GLE1: variants seen among roughly 807,000 people sequenced by gnomAD.
The protein encoded by GLE1 is GLE1 RNA export mediator.
GLE1 carries 78 observed loss-of-function variants against 97.3 expected under a neutral mutation model. The observed-to-expected ratio is 0.80, with a 90% confidence interval of 0.67 to 0.97. The LOEUF (loss-of-function observed/expected upper bound fraction) is 0.97. Among genes scored for constraint, GLE1 ranks in the 50% least tolerant of loss-of-function variants. GLE1 has a pLI of 0.00. For missense variants in GLE1, 753 were observed against 857.5 expected, an observed-to-expected ratio of 0.88 and a Z score of 1.52; for synonymous variants, 302 against 313.4, an observed-to-expected ratio of 0.96 and a Z score of 0.39.
rs1236140337 is a variant in GLE1 at position 128,522,813 on chromosome 9, A to G, written c.578A>G (p.Lys193Arg). ...EFQDLREVMEKSSREALGHQE... is the reference protein window; with the variant it reads ...EFQDLREVMERSSREALGHQE... Reference sequence around the variant, plus strand: ...CAGGACTTGCGGGAAGTAATGGAGAAGAGGTGAGTCTCCCTGAATTATGAC... The same window carrying G: ...CAGGACTTGCGGGAAGTAATGGAGAGGAGGTGAGTCTCCCTGAATTATGAC... Residue 193 changes from lysine to arginine, a missense_variant, in exon 4 of 16, where the codon AAG (lysine) becomes AGG (arginine). Physicochemically the swap from Lys to Arg is conservative, Grantham distance 26 (BLOSUM62 2). Transcript: ENST00000309971. The G allele has an allele frequency of 1.2e-6, 2 of 1,613,670 alleles. No individual in the cohort carries two copies. Among genetic ancestry groups the G allele is most frequent in the African/African-American group, 2.7e-5 (2 of 74,910 alleles).
chr9:128,518,570 A>C (rs940763126), intron 3 of GLE1, among the ~76,000 whole-genome samples: 15 of 151,692 alleles, frequency 9.9e-5, no homozygotes, highest in African/African-American at 2.9e-4. Context: ...TCTAAAAAAT[A>C]AAAAATAAAA....
chr9:128,510,186 T>C (rs1846766404), intron 2 of GLE1, among the ~76,000 whole-genome samples: 1 of 151,710 alleles, frequency 6.6e-6, no homozygotes, highest in Admixed American at 6.6e-5. Flanking sequence ...GCCTCCCGAA[T>C]AGCTGGGACT....
chr9:128,519,709 A>G (rs1201620746), intron 3 of GLE1, among the ~76,000 whole-genome samples: 1 of 152,096 alleles, frequency 6.6e-6, no homozygotes, highest in Admixed American at 6.6e-5. Flanking sequence ...GCCTTGTGAT[A>G]TTCTGTTACC....
chr9:128,525,241 G>A lies in GLE1; in HGVS notation c.947G>A (p.Arg316Gln), dbSNP rs147943229. The A allele has an allele frequency of 1.1e-3, 1,822 of 1,614,094 alleles. 1 individual carries two copies. The highest frequency in any genetic ancestry group is 1.4e-3 in the Non-Finnish European group (1,686 of 1,179,996). Residue 316 changes from arginine to glutamine, a missense_variant, in exon 7 of 16, where the codon CGG becomes CAG. Physicochemically the swap from Arg to Gln is conservative, Grantham distance 43. Coordinates refer to ENST00000309971, the MANE Select transcript of GLE1 (RefSeq NM_001003722.2). ...ESQAEAERALREMRDLLMNLG... is the reference protein window; with the variant it reads ...ESQAEAERALQEMRDLLMNLG... ...CAAGCTGAGGCTGAGCGAGCTCTGC[G>A]GGAAATGCGGGACCTCCTGATGAAC...
At position 128,527,506 on chromosome 9, in the gene GLE1, C is replaced by G. The variant is rs1205562840; in HGVS notation, c.1293C>G (p.Ser431Arg). The G allele has an allele frequency of 6.2e-7, 1 of 1,610,914 alleles. No individual in the cohort carries two copies. The highest frequency in any genetic ancestry group is 1.1e-5 in the South Asian group (1 of 90,998). ...AGAAGGCTGCTACCATCCCAGTGAGCCAAATCTCTACCATTGCAGGTTGGT... is the reference window on the plus strand; with the variant it reads ...AGAAGGCTGCTACCATCCCAGTGAGGCAAATCTCTACCATTGCAGGTTGGT... ...DLQKAATIPV[S>R]QISTIAGSKL... The change falls in exon 9 of 16, where the codon AGC becomes AGG. Residue 431 changes from serine to arginine, a missense_variant. Physicochemically the swap from Ser to Arg is moderately radical, Grantham distance 110. Transcript: ENST00000309971.
chr9:128,540,999 TA>T, intron 15 of GLE1, 102 bp from the exon 16 acceptor site: 1 of 794,170 alleles, frequency 1.3e-6, no homozygotes. Context: ...CACTGTTCCA[TA>T]GGGCTGAAAT....
chr9:128,531,057 A>G (rs975976918), intron 9 of GLE1, among the ~76,000 whole-genome samples: 48 of 151,710 alleles, frequency 3.2e-4, no homozygotes, highest in African/African-American at 1.1e-3. Flanking sequence ...TCTACTAAAA[A>G]TACAAAATTA....
intron 2 of GLE1, among the ~76,000 whole-genome samples, chr9:128,514,715 A>G (rs1846929172): frequency 6.6e-6 from 1 of 152,032 alleles, no homozygotes; most frequent in African/African-American, 2.4e-5. Flanking sequence ...TGTCTTGTGT[A>G]TGTTTAGTAG....
At chr9:128,526,051 T>C (rs1250818632) in intron 7 of GLE1, among the ~76,000 whole-genome samples, 1 of 152,074 alleles carries the variant, frequency 6.6e-6, no homozygotes. Context: ...GATGGAGATT[T>C]GCTCTTGTTG....
chr9:128,529,458 T>A (rs1277237771), intron 9 of GLE1, among the ~76,000 whole-genome samples: 2 of 152,232 alleles, frequency 1.3e-5, no homozygotes, highest in Admixed American at 6.5e-5. Flanking sequence ...TTTCCTGTTT[T>A]CTGTGATTAC....
intron 7 of GLE1, among the ~76,000 whole-genome samples, chr9:128,526,421 A>G (rs1282595001): frequency 1.3e-5 from 2 of 151,814 alleles, no homozygotes; most frequent in Middle Eastern, 3.4e-3. Flanking sequence ...CAATGGCACA[A>G]TCTCAGCTCA....
chr9:128,519,678 G>T (rs115314841), intron 3 of GLE1, among the ~76,000 whole-genome samples: 1 of 152,164 alleles, frequency 6.6e-6, no homozygotes, highest in Non-Finnish European at 1.5e-5. Flanking sequence ...GTGATCTCGC[G>T]ATCTCGCCCT....
chr9:128,505,681 A>G (rs1222762462), intron 1 of GLE1, among the ~76,000 whole-genome samples: 1 of 152,188 alleles, frequency 6.6e-6, no homozygotes, highest in Non-Finnish European at 1.5e-5. Context: ...ACAGATGTCA[A>G]CCCATCCCAA....
rs1268178654 is a variant in GLE1 at position 128,538,231 on chromosome 9, C to T, written c.1881+141C>T. The T allele has an allele frequency of 5.8e-6, 4 of 690,886 alleles. No individual in the cohort carries two copies. In the African/African-American group the frequency reaches 7.0e-5, roughly 12 times the overall value. The allele number at this position is 690,886 out of a possible 1,614,324, so 42.8% of individuals were successfully genotyped here. A position where few individuals can be genotyped will look rare whatever the true frequency, so the allele number is the denominator to read the frequency against. On this transcript the variant is annotated intron_variant, in intron 13 of 15. Transcript: ENST00000309971. Reference sequence around the variant, plus strand: ...AGGTTCCAGTGTCATACATTTTTCCCAAGCTGTAGACCAACCTTGCTTTCA... The same window carrying T: ...AGGTTCCAGTGTCATACATTTTTCCTAAGCTGTAGACCAACCTTGCTTTCA...
At chr9:128,506,172 C>T (rs1292993460) in intron 1 of GLE1, among the ~76,000 whole-genome samples, 3 of 152,022 alleles carry the variant, frequency 2.0e-5, no homozygotes, top group Non-Finnish European at 2.9e-5. Context: ...ATGGTGAAAC[C>T]GCATCTCTAC....
chr9:128,505,196 G>C (rs188956244), intron 1 of GLE1, among the ~76,000 whole-genome samples: 1 of 152,128 alleles, frequency 6.6e-6, no homozygotes, highest in East Asian at 1.9e-4. Context: ...AAGCAATCTC[G>C]GCCCCAGGTT....
At chr9:128,526,073 T>C (rs1847292516) in intron 7 of GLE1, among the ~76,000 whole-genome samples, 1 of 149,876 alleles carries the variant, frequency 6.7e-6, no homozygotes, top group African/African-American at 2.5e-5. Flanking sequence ...CCAGGCTGGA[T>C]TGCAGTGGCG....
In GLE1 at chr9:128,509,057, C is replaced by T. The variant is rs1846728177; in HGVS notation, c.281C>T (p.Ala94Val). 6.2e-7 allele frequency: 1 copy of T among 1,613,404 alleles called. No individual in the cohort carries two copies. The highest frequency in any genetic ancestry group is 1.3e-5 in the African/African-American group (1 of 74,908). Residue 94 changes from alanine to valine, a missense_variant, in exon 2 of 16, where the codon GCC becomes GTC. Ala to Val is a moderately conservative substitution (Grantham distance 64). Transcript: ENST00000309971. ...FVPKSPDASS[A>V]FSPASPATPN... The stretch of plus-strand genomic sequence containing the variant: ...CCCAAATCTCCTGACGCAAGCTCTG[C>T]CTTTTCCCCAGCCTCCCCTGCAACA...
At chr9:128,511,581 C>G (rs1238142312) in intron 2 of GLE1, among the ~76,000 whole-genome samples, 1 of 151,318 alleles carries the variant, frequency 6.6e-6, no homozygotes, top group South Asian at 2.1e-4. Flanking sequence ...TGGCGGGCAC[C>G]TGTAGTCCCA....
Sources: allele counts gnomAD v4.1 joint callset (sites outside exome capture counted in the v4.1 genomes callset), GRCh38; gene constraint gnomAD v4.1.1; transcripts MANE v1.5; gene names NCBI Gene and HGNC (gene_info 2026-07-23, HGNC 2026-07-21).